The following RXFP2 variants were observed in gnomAD, a reference collection of about 807,000 sequenced individuals.
RXFP2 encodes relaxin receptor 2.
RXFP2 carries 68 observed loss-of-function variants against 88.6 expected under a neutral mutation model. The ratio of observed to expected loss-of-function variants is 0.77; its 90% CI spans 0.63 to 0.94. The LOEUF (loss-of-function observed/expected upper bound fraction) is 0.94, where lower values mean the gene tolerates loss of function less well. RXFP2 is among the 40% of genes least tolerant of loss of function. The probability of loss-of-function intolerance (pLI) is 0.00; values close to 1 mark genes in which losing one functional copy is unlikely to be tolerated. For missense variants in RXFP2, 791 were observed against 893.9 expected (o/e 0.88, Z 1.47); for synonymous variants, 329 against 306.8 (o/e 1.07, Z -0.76).
At chr13:31,792,576 A>T in intron 15 of RXFP2, 102 bp from the exon 16 acceptor site, 1 of 1,110,548 alleles carries the variant, frequency 9.0e-7, no homozygotes, top group Non-Finnish European at 1.4e-6. Context: ...GAAAGGAACT[A>T]GATCTAATTA....
At chr13:31,751,699 G>A (rs1271959764) in intron 1 of RXFP2, among the ~76,000 whole-genome samples, 6 of 152,154 alleles carry the variant, frequency 3.9e-5, no homozygotes, top group Admixed American at 3.9e-4. Context: ...TTAAAAGAGA[G>A]GTGAAGGGAC....
intron 16 of RXFP2, among the ~76,000 whole-genome samples, chr13:31,794,981 T>C (rs1726989085): frequency 6.6e-6 from 1 of 152,192 alleles, no homozygotes. Flanking sequence ...GTACAATTTT[T>C]TTTCTGTTTG....
chr13:31,802,023 G>A (rs1486544696), intron 17 of RXFP2, 123 bp from the exon 18 acceptor site: 2 of 946,260 alleles, frequency 2.1e-6, no homozygotes, highest in East Asian at 2.6e-5. Flanking sequence ...TCCTTCAGGT[G>A]AGAGAAAACT....
intron 1 of RXFP2, among the ~76,000 whole-genome samples, chr13:31,747,412 T>A (rs1306918293): frequency 1.3e-5 from 2 of 151,930 alleles, no homozygotes; most frequent in Non-Finnish European, 2.9e-5. Flanking sequence ...AAAAAGAAAA[T>A]GAGCATAATG....
chr13:31,745,791 T>G (rs1332010906), intron 1 of RXFP2, among the ~76,000 whole-genome samples: 1 of 152,218 alleles, frequency 6.6e-6, no homozygotes, highest in Non-Finnish European at 1.5e-5. Context: ...TCACAATGGA[T>G]GACCTTGATC....
Position 31,786,590 on chromosome 13 carries a change from G to A in RXFP2, c.1026G>A (p.Met342Ile), listed in dbSNP as rs1414291123. 1 of 1,597,610 alleles carries A rather than the reference G, an allele frequency of 6.3e-7. No homozygotes were observed. Among genetic ancestry groups the A allele is most frequent in the East Asian group, 2.2e-5 (1 of 44,694 alleles). ...QKLNLSSNPL[M>I]YLHKNQFESL... ...GGAACCTGTCATCCAATCCTCTTAT[G>A]TATCTTCACAAGAACCAGTTTGAAA... Residue 342 changes from methionine to isoleucine, a missense_variant, in exon 13 of 18, where the codon ATG becomes ATA. Coordinates refer to ENST00000298386, the MANE Select transcript of RXFP2 (RefSeq NM_130806.5).
chr13:31,793,238 T>C, intron 16 of RXFP2, 150 bp downstream of exon 16: 1 of 689,368 alleles, frequency 1.5e-6, no homozygotes, highest in Non-Finnish European at 2.4e-6. Flanking sequence ...TACTATTGTG[T>C]TTATTGAAGT....
intron 14 of RXFP2, among the ~76,000 whole-genome samples, chr13:31,791,246 C>A (rs538800171): frequency 6.6e-6 from 1 of 152,248 alleles, no homozygotes; most frequent in South Asian, 2.1e-4. Context: ...GGTAAGAAAT[C>A]TGTGTTTAAG....
intron 5 of RXFP2, among the ~76,000 whole-genome samples, chr13:31,770,094 T>A (rs1872683532): frequency 6.6e-6 from 1 of 152,326 alleles, no homozygotes; most frequent in South Asian, 2.1e-4. Flanking sequence ...TGTAACAATG[T>A]TTATCACATA....
chr13:31,794,896 A>C (rs1029629397), intron 16 of RXFP2, among the ~76,000 whole-genome samples: 11 of 152,160 alleles, frequency 7.2e-5, no homozygotes, highest in Non-Finnish European at 4.4e-5. Context: ...CGTCACACAC[A>C]CACACAAACA....
At chr13:31,759,394 A>AAAGAAAGAAAGAAAGAAAGAAAG (rs1566218362) in intron 2 of RXFP2, among the ~76,000 whole-genome samples, 4 of 145,090 alleles carry the variant, frequency 2.8e-5, no homozygotes, top group African/African-American at 7.6e-5. Flanking sequence ...AGAAAGAAAG[A>AAAGAAAGAAAGAAAGAAAGAAAG]AAGAAAGAAA....
intron 5 of RXFP2, among the ~76,000 whole-genome samples, chr13:31,771,965 A>C (rs999051201): frequency 6.6e-6 from 1 of 151,008 alleles, no homozygotes; most frequent in Admixed American, 6.6e-5. Flanking sequence ...AAAACAAAAA[A>C]CAAATTCCTA....
rs1347260523 is a variant in RXFP2 at position 31,782,794 on chromosome 13, T to G, written c.929+47T>G. On this transcript the variant is annotated intron_variant, in intron 11 of 17. Coordinates refer to ENST00000298386, the MANE Select transcript of RXFP2 (RefSeq NM_130806.5). ...GAAAATATGATTGCTTCTTCCGAGA[T>G]TATAAATTTAAATGACTAGTGAGAC... 3 of 1,237,452 alleles carry G rather than the reference T, an allele frequency of 2.4e-6. No homozygotes were observed. The African/African-American group carries it at 4.4e-5, about 18-fold the overall frequency. The allele number at this position is 1,237,452 out of a possible 1,614,324, so 76.7% of individuals were successfully genotyped here.
Position 31,778,928 on chromosome 13 carries a change from T to A in RXFP2, c.785+345T>A, listed in dbSNP as rs983014233. On this transcript the variant is annotated intron_variant, in intron 9 of 17. Coordinates refer to ENST00000298386, the MANE Select transcript of RXFP2 (RefSeq NM_130806.5). The stretch of plus-strand genomic sequence containing the variant: ...AATCTTGCTCCCTTATTCTTTTGGA[T>A]AACTTAAACATTTCCTTTGAAAGAC... Among the ~76,000 whole-genome samples, 6 of 152,242 alleles carry A rather than the reference T, an allele frequency of 3.9e-5. No homozygotes were observed. In the South Asian group the frequency reaches 1.2e-3, roughly 32 times the overall value.
chr13:31,781,650 T>C (rs763710337), intron 9 of RXFP2, 21 bp from the exon 10 acceptor site: 150 of 1,548,658 alleles, frequency 9.7e-5, no homozygotes, highest in Non-Finnish European at 1.3e-4. Flanking sequence ...ATTAAAAATA[T>C]CTTTCCTCCA....
chr13:31,790,658 T>C (rs537368982), intron 14 of RXFP2, among the ~76,000 whole-genome samples: 2 of 151,950 alleles, frequency 1.3e-5, no homozygotes, highest in East Asian at 3.9e-4. Flanking sequence ...AACCAGAGAG[T>C]AAAGGAGCAA....
chr13:31,776,310 C>T (rs1281238035), intron 7 of RXFP2, among the ~76,000 whole-genome samples: 35 of 127,954 alleles, frequency 2.7e-4, no homozygotes, highest in Non-Finnish European at 4.8e-4. Flanking sequence ...GGCTGGAGTG[C>T]ACTGGTACAA....
intron 1 of RXFP2, among the ~76,000 whole-genome samples, chr13:31,740,723 A>G (rs1042294354): frequency 6.6e-6 from 1 of 152,062 alleles, no homozygotes; most frequent in Non-Finnish European, 1.5e-5. Flanking sequence ...CTAAAACTTT[A>G]CTACAAATAT....
At position 31,802,137 on chromosome 13, in the gene RXFP2, C is replaced by CT. The variant is rs759914292; in HGVS notation, c.2006-5dup. ...CAACTTTTTTTTCACACTTTGCTTCCTTTTCCAGACACAATGACTTCCTGG... is the reference window on the plus strand; with the variant it reads ...CAACTTTTTTTTCACACTTTGCTTCCTTTTTCCAGACACAATGACTTCCTGG... On this transcript the variant is annotated splice_polypyrimidine_tract_variant and intron_variant, in intron 17 of 17. Coordinates refer to ENST00000298386, the MANE Select transcript of RXFP2 (RefSeq NM_130806.5). The CT allele has an allele frequency of 5.6e-6, 9 of 1,613,480 alleles. No individual in the cohort carries two copies. The African/African-American group carries it at 1.2e-4, about 22-fold the overall frequency.
Sources: allele counts gnomAD v4.1 joint callset (sites outside exome capture counted in the v4.1 genomes callset), GRCh38; gene constraint gnomAD v4.1.1; transcripts MANE v1.5; gene names NCBI Gene and HGNC (gene_info 2026-07-23, HGNC 2026-07-21).